SERGEF: variants seen among roughly 807,000 people sequenced by gnomAD.
SERGEF encodes secretion-regulating guanine nucleotide exchange factor.
Under a neutral mutation model 50.0 loss-of-function variants are expected in SERGEF, and 51 were observed. The observed-to-expected ratio is 1.02, with a 90% CI of 0.81 to 1.29. The LOEUF is 1.29. Ranked by LOEUF, SERGEF falls within the 50% of genes most tolerant of loss-of-function variation. SERGEF has a pLI of 0.00. For synonymous variants in SERGEF, 205 were observed against 212.4 expected, an observed-to-expected ratio of 0.97 and a Z score of 0.30; for missense variants, 521 against 557.0, an observed-to-expected ratio of 0.94 and a Z score of 0.65.
At chr11:17,822,291 G>A (rs1048151739) in intron 10 of SERGEF, among the ~76,000 whole-genome samples, 2 of 152,178 alleles carry the variant, frequency 1.3e-5, no homozygotes, top group African/African-American at 4.8e-5. Context: ...ATCCCAGGCA[G>A]CACTAAATGC....
At chr11:17,997,254 A>C (rs760867063) in intron 5 of SERGEF, among the ~76,000 whole-genome samples, 4 of 152,220 alleles carry the variant, frequency 2.6e-5, no homozygotes, top group African/African-American at 7.2e-5. Flanking sequence ...ACATTTCTCC[A>C]AGAAGATATA....
At chr11:17,866,668 C>T (rs1342126174) in intron 10 of SERGEF, 2 of 152,180 alleles carry the variant, frequency 1.3e-5, no homozygotes, top group African/African-American at 4.8e-5. Context: ...CTAAGCCCAG[C>T]TAATTTTTTT....
intron 9 of SERGEF, among the ~76,000 whole-genome samples, chr11:17,923,201 A>T (rs770950856): frequency 2.0e-5 from 3 of 152,184 alleles, no homozygotes; most frequent in Non-Finnish European, 2.9e-5. Context: ...CCATAGGCCC[A>T]GGTCTAGCCA....
At chr11:17,816,857 T>C (rs1358257279) in intron 10 of SERGEF, among the ~76,000 whole-genome samples, 2 of 152,192 alleles carry the variant, frequency 1.3e-5, no homozygotes, top group Admixed American at 6.5e-5. Context: ...GTAATGGGGC[T>C]GGAATGTGGT....
intron 1 of SERGEF, among the ~76,000 whole-genome samples, chr11:18,011,535 T>A (rs1854195683): frequency 6.6e-6 from 1 of 152,220 alleles, no homozygotes; most frequent in South Asian, 2.1e-4. Context: ...TAAATTTCTG[T>A]TGTTTAAGCC....
chr11:17,817,787 A>G (rs1014702794), intron 10 of SERGEF, among the ~76,000 whole-genome samples: 47 of 152,196 alleles, frequency 3.1e-4, no homozygotes, highest in African/African-American at 1.1e-3. Context: ...CACATAGCTA[A>G]TAAGGGGCAA....
intron 10 of SERGEF, among the ~76,000 whole-genome samples, chr11:17,811,931 T>G (rs1849881068): frequency 6.6e-6 from 1 of 152,174 alleles, no homozygotes; most frequent in South Asian, 2.1e-4. Context: ...GCCTGGCACA[T>G]AAAAGACACT....
chr11:17,984,116 G>C (rs1853548484), intron 8 of SERGEF, among the ~76,000 whole-genome samples: 2 of 152,158 alleles, frequency 1.3e-5, no homozygotes, highest in African/African-American at 4.8e-5. Flanking sequence ...TAACACAATG[G>C]GTTTGAAGAG....
In SERGEF at chr11:18,006,727, A is replaced by G. The variant is rs747147370; in HGVS notation, c.216T>C (p.Val72=). 19 of 1,614,198 alleles carry G rather than the reference A, an allele frequency of 1.2e-5. No individual in the cohort carries two copies. The highest frequency in any genetic ancestry group is 1.4e-5 in the Non-Finnish European group (16 of 1,180,026). Residue 72 remains valine, a synonymous_variant, in exon 3 of 11, where the codon GTT becomes GTC. Transcript: ENST00000265965. ...GTTGCCCATCTTTGTTCAGGCCACA[A>G]ACAAAGAGGTCTCCTCCATCTGCAA... The part of the protein sequence containing the change: ...AVVTDGGDLF[V]CGLNKDGQLG...
chr11:17,821,077 G>C (rs1850072106), intron 10 of SERGEF, among the ~76,000 whole-genome samples: 1 of 152,124 alleles, frequency 6.6e-6, no homozygotes, highest in East Asian at 1.9e-4. Flanking sequence ...ACAGAGGCAG[G>C]GTCAGGGTTT....
At chr11:18,002,515 T>A (rs1315846818) in intron 4 of SERGEF, among the ~76,000 whole-genome samples, 1 of 152,320 alleles carries the variant, frequency 6.6e-6, no homozygotes, top group East Asian at 1.9e-4. Flanking sequence ...TGGTTCCTTC[T>A]GCCTAGAATG....
At chr11:17,856,872 C>T (rs375145213) in intron 10 of SERGEF, 1 of 152,128 alleles carries the variant, frequency 6.6e-6, no homozygotes, top group Non-Finnish European at 1.5e-5. Context: ...CTATTGAAGT[C>T]ATTATCTTTT....
At chr11:17,998,371 C>T (rs1451930700) in intron 5 of SERGEF, among the ~76,000 whole-genome samples, 2 of 149,360 alleles carry the variant, frequency 1.3e-5, no homozygotes, top group Non-Finnish European at 3.0e-5. Flanking sequence ...GAACCATGAA[C>T]ACACCACTGT....
chr11:17,983,840 A>AAG (rs1394281726), intron 8 of SERGEF, among the ~76,000 whole-genome samples: 3 of 151,458 alleles, frequency 2.0e-5, no homozygotes, highest in African/African-American at 7.3e-5. Context: ...AAAAAAAAAA[A>AAG]GGATTTAGCT....
intron 9 of SERGEF, among the ~76,000 whole-genome samples, chr11:17,913,091 T>C (rs1038314759): frequency 5.3e-5 from 8 of 152,190 alleles, no homozygotes; most frequent in Non-Finnish European, 1.2e-4. Context: ...AGAAAAAATA[T>C]CTGCACTAGC....
chr11:17,978,656 C>A (rs1565221326), intron 8 of SERGEF, among the ~76,000 whole-genome samples: 1 of 152,212 alleles, frequency 6.6e-6, no homozygotes, highest in Non-Finnish European at 1.5e-5. Flanking sequence ...GAGGTCAGAT[C>A]CATATCAGTT....
chr11:17,807,331 C>A (rs1422869515), intron 10 of SERGEF, among the ~76,000 whole-genome samples: 5 of 63,190 alleles, frequency 7.9e-5, no homozygotes, highest in African/African-American at 1.1e-4. Context: ...AAAGAACTCC[C>A]CCCCCACAAA....
Position 17,888,493 on chromosome 11 carries a change from A to C in SERGEF, c.1012-10249T>G, listed in dbSNP as rs1291739440. Among the ~76,000 whole-genome samples, 5 of 152,206 alleles carry C rather than the reference A, an allele frequency of 3.3e-5. No homozygotes were observed. Among genetic ancestry groups the C allele is most frequent in the Admixed American group, 3.3e-4 (5 of 15,288 alleles). On this transcript the variant is annotated intron_variant, in intron 9 of 10. Coordinates refer to ENST00000265965, the MANE Select transcript of SERGEF (RefSeq NM_012139.4). The surrounding 1 kb of genome is among the most constrained non-coding windows in gnomAD (Gnocchi z 4.1). ...ATATTGTGGGACCATGCAAATGAGG[A>C]AATATATGAATGTTGCTAGGAGCCA... is the stretch of plus-strand genomic sequence containing the variant.
chr11:17,934,261 T>C (rs1371494134), intron 9 of SERGEF, among the ~76,000 whole-genome samples: 4 of 152,152 alleles, frequency 2.6e-5, no homozygotes, highest in African/African-American at 9.7e-5. Context: ...ACATGGTAAA[T>C]ATGCACTCAG....
Sources: gnomAD v4.1 joint callset for allele counts (sites outside exome capture counted in the v4.1 genomes callset) on GRCh38, gnomAD v4.1.1 for gene constraint, Gnocchi (gnomAD v3.1) non-coding constraint, MANE v1.5 for transcripts, NCBI Gene and HGNC (gene_info 2026-07-23, HGNC 2026-07-21) for gene names.